CARMIL3: variants seen among roughly 807,000 people sequenced by gnomAD.
The protein encoded by CARMIL3 is capping protein regulator and myosin 1 linker 3, also known as capping protein, Arp2/3 and myosin-I linker protein 3.
A neutral mutation model predicts 180.8 loss-of-function variants in CARMIL3; 88 were observed. The ratio of observed to expected loss-of-function variants is 0.49; its 90% CI spans 0.41 to 0.58. The LOEUF is 0.58. CARMIL3 is among the 20% of genes least tolerant of loss of function. The pLI, the probability that CARMIL3 is intolerant of heterozygous loss-of-function variation, is 0.00. For missense variants in CARMIL3, 1,548 were observed against 1,787.0 expected (o/e 0.87, Z 2.41); for synonymous variants, 696 against 714.5 (o/e 0.97, Z 0.41).
Position 24,064,255 on chromosome 14 carries a change from C to A in CARMIL3, c.2989C>A (p.Pro997Thr). 1 of 1,611,856 alleles carries A rather than the reference C, an allele frequency of 6.2e-7. No individual in the cohort carries two copies. The highest frequency in any genetic ancestry group is 8.5e-7 in the Non-Finnish European group (1 of 1,178,996). Reference protein sequence around the residue: ...PGPGRPSMPAPGTRQENGMAT... With the variant: ...PGPGRPSMPATGTRQENGMAT... ...ACTTTCCTCCCAGCAGATGCCAGCACCTGGGACTCGTCAGGAGAATGGGAT... is the reference window on the plus strand; with the variant it reads ...ACTTTCCTCCCAGCAGATGCCAGCAACTGGGACTCGTCAGGAGAATGGGAT... Residue 997 changes from proline to threonine, a missense_variant, in exon 32 of 40, where the codon CCT (proline) becomes ACT (threonine). Physicochemically the swap from Pro to Thr is conservative, Grantham distance 38. Coordinates refer to ENST00000342740, the MANE Select transcript of CARMIL3 (RefSeq NM_138360.4).
rs769360629 is a variant in CARMIL3 at position 24,062,490 on chromosome 14, C to T, written c.2491C>T (p.Leu831Phe). 6.2e-7 allele frequency: 1 copy of T among 1,614,152 alleles called. No homozygotes were observed. ...DIQNKLDEVKLSVVTYLTSSI... is the reference protein window; with the variant it reads ...DIQNKLDEVKFSVVTYLTSSI... ...CACCTGTGCCCACAGTGAAGTGAAG[C>T]TCTCAGTCGTCACCTACCTAACCAG... The change falls in exon 28 of 40, where the codon CTC becomes TTC. Residue 831 changes from leucine (L) to phenylalanine (F), a missense_variant. Transcript: ENST00000342740.
intron 10 of CARMIL3, 104 bp downstream of exon 10, chr14:24,055,893 C>CCT (rs2035667460): frequency 9.2e-7 from 1 of 1,086,410 alleles, no homozygotes; most frequent in Non-Finnish European, 1.4e-6. Context: ...TTATCCAGTG[C>CCT]CTCTCTCTAC....
intron 11 of CARMIL3, 52 bp downstream of exon 11, chr14:24,056,445 A>G: frequency 6.4e-7 from 1 of 1,565,494 alleles, no homozygotes. Flanking sequence ...CCCCTGTCCT[A>G]GCCCAGAGCC....
At chr14:24,053,163 G>A (rs1266183782) in intron 1 of CARMIL3, among the ~76,000 whole-genome samples, 1 of 151,876 alleles carries the variant, frequency 6.6e-6, no homozygotes, top group Non-Finnish European at 1.5e-5. Flanking sequence ...ACACACAGAG[G>A]AAGTGTCTGG....
In CARMIL3 at chr14:24,057,940, C is replaced by T. The variant is rs2035689186; in HGVS notation, c.1218-20C>T. 1 of 1,613,248 alleles carries T rather than the reference C, an allele frequency of 6.2e-7. No homozygotes were observed. The highest frequency in any genetic ancestry group is 8.5e-7 in the Non-Finnish European group (1 of 1,179,936). ...CATGGCCAACCCCCTCCCTCGCTGA[C>T]CCCAGGGGTCTCTCCACAGGAAGGG... On this transcript the variant is annotated intron_variant, in intron 15 of 39. Transcript: ENST00000342740.
Position 24,069,700 on chromosome 14 carries a change from T to A in CARMIL3, c.*296T>A, listed in dbSNP as rs2035845904. 2.2e-6 allele frequency: 1 copy of A among 459,380 alleles called. No homozygotes were observed. Among genetic ancestry groups the A allele is most frequent in the Non-Finnish European group, 3.9e-6 (1 of 257,582 alleles). The allele number at this position is 459,380 out of a possible 1,614,324, so 28.5% of individuals were successfully genotyped here. On this transcript the variant is annotated 3_prime_UTR_variant, in exon 40 of 40. Transcript: ENST00000342740. ...CTCTATCCCCAGGGACTCTCTCCCC[T>A]CTTGTATAGAATAAAAAAACAAAAT... is the stretch of plus-strand genomic sequence containing the variant.
rs1441235841 is a variant in CARMIL3 at position 24,069,198 on chromosome 14, G to A, written c.4044G>A (p.Gln1348=). The part of the protein sequence containing the change: ...PLKPKRTRRA[Q]SCDKLEPDRR... ...AGCCCAAGAGGACACGGCGGGCACAGTCCTGTGACAAGCTGGAACCTGATA... is the reference window on the plus strand; with the variant it reads ...AGCCCAAGAGGACACGGCGGGCACAATCCTGTGACAAGCTGGAACCTGATA... Residue 1348 remains glutamine (Q), a synonymous_variant, in exon 39 of 40, where the codon CAG becomes CAA. Coordinates refer to ENST00000342740, the MANE Select transcript of CARMIL3 (RefSeq NM_138360.4). 6.2e-7 allele frequency: 1 copy of A among 1,614,016 alleles called. No homozygotes were observed. Among genetic ancestry groups the A allele is most frequent in the Non-Finnish European group, 8.5e-7 (1 of 1,180,002 alleles).
In CARMIL3 at chr14:24,056,314, G is replaced by A; in HGVS notation, c.786G>A (p.Lys262=). 6.2e-7 allele frequency: 1 copy of A among 1,613,970 alleles called. No homozygotes were observed. The highest frequency in any genetic ancestry group is 8.5e-7 in the Non-Finnish European group (1 of 1,179,866). The change falls in exon 11 of 40, where the codon AAG becomes AAA. Residue 262 remains lysine (K), a synonymous_variant. Coordinates refer to ENST00000342740, the MANE Select transcript of CARMIL3 (RefSeq NM_138360.4). Reference sequence around the variant, plus strand: ...TTCCCTGAAGGGACTTTGTCCAGAAGCTGGCCGGGGTGTTTGGGGAGAACG... The same window carrying A: ...TTCCCTGAAGGGACTTTGTCCAGAAACTGGCCGGGGTGTTTGGGGAGAACG... ...NAGLKTDFVQ[K]LAGVFGENGS...
Position 24,058,852 on chromosome 14 carries a change from C to T in CARMIL3, c.1475-38C>T, listed in dbSNP as rs1253057271. ...GCCCTGATGGGACACCAGTCAGCCTCAGGCCTCCAGGCCAGGCCTCTCCCA... is the reference window on the plus strand; with the variant it reads ...GCCCTGATGGGACACCAGTCAGCCTTAGGCCTCCAGGCCAGGCCTCTCCCA... On this transcript the variant is annotated intron_variant, in intron 18 of 39. Transcript: ENST00000342740. The surrounding 1 kb of genome is among the most constrained non-coding windows in gnomAD (Gnocchi z 6.4). 8 of 1,612,280 alleles carry T rather than the reference C, an allele frequency of 5.0e-6. No homozygotes were observed. In the Admixed American group the frequency reaches 1.3e-4, roughly 27 times the overall value.
Position 24,061,279 on chromosome 14 carries a change from G to A in CARMIL3, c.2305-218G>A, listed in dbSNP as rs1166572961. ...CTCCCTGCTCTGGATTTGGATCCTT[G>A]GACTGACTGCCCCTGTCTGTATGGT... is the stretch of plus-strand genomic sequence containing the variant. On this transcript the variant is annotated intron_variant, in intron 26 of 39. Transcript: ENST00000342740. The surrounding 1 kb of genome is among the most constrained non-coding windows in gnomAD (Gnocchi z 4.1). 3.8e-5 allele frequency: 24 copies of A among 633,610 alleles called. No individual in the cohort carries two copies. The highest frequency in any genetic ancestry group is 1.6e-4 in the South Asian group (8 of 50,012). 39.2% of individuals were successfully genotyped at this position (633,610 alleles called of 1,614,324 possible).
chr14:24,053,718 G>A lies in CARMIL3; in HGVS notation c.50G>A (p.Arg17Gln), dbSNP rs142457655. ...TCCCACCCCCCCTCAGACAGCATCC[G>A]GAGGTGCCTGAGCCAAGGGGCCGTG... ...ELTRELQDSI[R>Q]RCLSQGAVLQ... The change falls in exon 2 of 40, where the codon CGG becomes CAG. Residue 17 changes from arginine to glutamine, a missense_variant. Arg to Gln is a conservative substitution (Grantham distance 43). This residue lies in a region of CARMIL3 where 578 missense variants were observed against 666.5 expected (regional missense o/e 0.87). Transcript: ENST00000342740. The A allele has an allele frequency of 4.2e-5, 67 of 1,611,204 alleles. No homozygotes were observed. Among genetic ancestry groups the A allele is most frequent in the Middle Eastern group, 1.6e-4 (1 of 6,064 alleles).
chr14:24,058,894 C>T lies in CARMIL3; in HGVS notation c.1479C>T (p.Phe493=), dbSNP rs752362667. The T allele has an allele frequency of 1.1e-5, 17 of 1,614,062 alleles. No individual in the cohort carries two copies. Among genetic ancestry groups the T allele is most frequent in the Middle Eastern group, 1.6e-4 (1 of 6,084 alleles). The change falls in exon 19 of 40, where the codon TTC becomes TTT. Residue 493 remains phenylalanine (F), a synonymous_variant. Transcript: ENST00000342740. This position sits in a 1 kb window ranked among gnomAD's most constrained non-coding sequence, Gnocchi z 6.4. ...VGSLDLSDNG[F]DSDLLTLVPA... ...CCTCTCCCATCTGCTCACCAGGGTT[C>T]GACTCGGACCTCCTGACACTGGTGC... is the stretch of plus-strand genomic sequence containing the variant.
In CARMIL3 at chr14:24,058,322, C is replaced by A; in HGVS notation, c.1392+98C>A. On this transcript the variant is annotated intron_variant, in intron 17 of 39. Coordinates refer to ENST00000342740, the MANE Select transcript of CARMIL3 (RefSeq NM_138360.4). The surrounding 1 kb of genome is among the most constrained non-coding windows in gnomAD (Gnocchi z 6.4). ...GGCTCCATCTAGCCTCTGTGCTGAC[C>A]CTCTGCGACCCCCTGACCTGGCCAC... 1 of 1,328,258 alleles carries A rather than the reference C, an allele frequency of 7.5e-7. No individual in the cohort carries two copies. The highest frequency in any genetic ancestry group is 1.0e-6 in the Non-Finnish European group (1 of 958,460). The allele number at this position is 1,328,258 out of a possible 1,614,324, so 82.3% of individuals were successfully genotyped here. A position where few individuals can be genotyped will look rare whatever the true frequency, so the allele number is the denominator to read the frequency against.
chr14:24,065,121 C>T lies in CARMIL3; in HGVS notation c.3244C>T (p.Pro1082Ser). 6.9e-7 allele frequency: 1 copy of T among 1,455,334 alleles called. No individual in the cohort carries two copies. Among genetic ancestry groups the T allele is most frequent in the Non-Finnish European group, 9.1e-7 (1 of 1,099,350 alleles). The allele number at this position is 1,455,334 out of a possible 1,614,324, so 90.2% of individuals were successfully genotyped here. ...SPTTGLLLPP[P>S]PPPPPTQESP... ...TACCACTGGACTCCTCCTCCCTCCA[C>T]CCCCACCCCCTCCCCCGACTCAGGA... Residue 1082 changes from proline (P) to serine (S), a missense_variant, in exon 33 of 40, where the codon CCC becomes TCC. Coordinates refer to ENST00000342740, the MANE Select transcript of CARMIL3 (RefSeq NM_138360.4).
intron 32 of CARMIL3, 47 bp from the exon 33 acceptor site, chr14:24,064,911 G>C: frequency 6.3e-7 from 1 of 1,582,732 alleles, no homozygotes; most frequent in Non-Finnish European, 8.6e-7. Flanking sequence ...ACCCAGGATT[G>C]AGCTTGCATC....
In CARMIL3 at chr14:24,064,997, G is replaced by T; in HGVS notation, c.3120G>T (p.Ser1040=). The T allele has an allele frequency of 6.2e-7, 1 of 1,612,056 alleles. No homozygotes were observed. The highest frequency in any genetic ancestry group is 8.5e-7 in the Non-Finnish European group (1 of 1,179,546). The change falls in exon 33 of 40, where the codon TCG becomes TCT. Residue 1040 remains serine, a synonymous_variant. Transcript: ENST00000342740. ...RTLRTVRPGL[S]EAPLPPLQKK... is the part of the protein sequence containing the mutation. ...TGAGGACCGTGCGGCCAGGACTCTC[G>T]GAGGCACCGCTGCCTCCACTCCAGA...
chr14:24,055,096 G>A lies in CARMIL3; in HGVS notation c.491G>A (p.Cys164Tyr). The A allele has an allele frequency of 1.2e-6, 2 of 1,613,748 alleles. No homozygotes were observed. The highest frequency in any genetic ancestry group is 1.7e-6 in the Non-Finnish European group (2 of 1,180,022). The change falls in exon 7 of 40, where the codon TGT (cysteine) becomes TAT (tyrosine). Residue 164 changes from cysteine to tyrosine, a missense_variant. By Grantham distance (194) the Cys-to-Tyr change is radical (BLOSUM62 -2). Transcript: ENST00000342740. ...GGFSETYAAL[C>Y]DYNGLHCREE... ...TTCTCTGAGACCTACGCTGCTCTGT[G>A]TGACTACAATGGGCTACACTGCCGT...
intron 31 of CARMIL3, among the ~76,000 whole-genome samples, chr14:24,063,951 G>A (rs897505449): frequency 3.9e-5 from 6 of 151,964 alleles, no homozygotes; most frequent in African/African-American, 7.3e-5. Flanking sequence ...AAAATTAGCC[G>A]GGCGTGGTGG....
rs563850915 is a variant in CARMIL3 at position 24,066,595 on chromosome 14, G to T, written c.3621G>T (p.Pro1207=). The change falls in exon 36 of 40, where the codon CCG becomes CCT. Residue 1207 remains proline, a synonymous_variant. Transcript: ENST00000342740. Reference sequence around the variant, plus strand: ...CTGGATCCTGGAAGCCCCCACCACCGCCCCAAAGCACCAAACCAAGCTTCA... The same window carrying T: ...CTGGATCCTGGAAGCCCCCACCACCTCCCCAAAGCACCAAACCAAGCTTCA... ...AGPGSWKPPP[P]PQSTKPSFSA... 79 of 1,613,862 alleles carry T rather than the reference G, an allele frequency of 4.9e-5. No individual in the cohort carries two copies. The highest frequency in any genetic ancestry group is 5.3e-5 in the Non-Finnish European group (63 of 1,179,978).
Sources: allele counts gnomAD v4.1 joint callset (sites outside exome capture counted in the v4.1 genomes callset), GRCh38; gene constraint gnomAD v4.1.1; regional missense constraint gnomAD v4.1.1; non-coding constraint Gnocchi (gnomAD v3.1); transcripts MANE v1.5; gene names NCBI Gene and HGNC (gene_info 2026-07-23, HGNC 2026-07-21).